COL25A1: variants seen among roughly 807,000 people sequenced by gnomAD.
The protein encoded by COL25A1 is collagen type XXV alpha 1 chain, also known as collagen alpha-1(XXV) chain.
COL25A1 carries 103 observed loss-of-function variants against 128.4 expected under a neutral mutation model. That is an observed-to-expected ratio of 0.80 (90% CI 0.68 to 0.94). The LOEUF (loss-of-function observed/expected upper bound fraction) is 0.94, where lower values mean the gene tolerates loss of function less well. COL25A1 is among the 40% of genes least tolerant of loss of function. The pLI, the probability that COL25A1 is intolerant of heterozygous loss-of-function variation, is 0.00. For synonymous variants in COL25A1, 279 were observed against 277.2 expected (o/e 1.01, Z -0.06); for missense variants, 745 against 840.0 (o/e 0.89, Z 1.40).
At chr4:108,856,805 T>G (rs1736569922) in intron 24 of COL25A1, among the ~76,000 whole-genome samples, 1 of 152,108 alleles carries the variant, frequency 6.6e-6, no homozygotes, top group South Asian at 2.1e-4. Flanking sequence ...GGTGTCACAT[T>G]TTTTAAAAAG....
chr4:109,051,650 G>C (rs199844360), intron 3 of COL25A1, among the ~76,000 whole-genome samples: 20 of 99,186 alleles, frequency 2.0e-4, no homozygotes, highest in South Asian at 3.2e-4. Context: ...CACACACACA[G>C]ACATAATCTG....
intron 3 of COL25A1, among the ~76,000 whole-genome samples, chr4:109,064,732 T>A (rs911754477): frequency 1.3e-5 from 2 of 152,222 alleles, no homozygotes; most frequent in Admixed American, 6.5e-5. Flanking sequence ...TGGAGCTCCA[T>A]GTTTCCTTCC....
intron 3 of COL25A1, among the ~76,000 whole-genome samples, chr4:109,202,336 G>A (rs1181934761): frequency 2.0e-5 from 3 of 151,928 alleles, no homozygotes; most frequent in African/African-American, 7.3e-5. Flanking sequence ...ATTGACAAAT[G>A]AGCAATGGCA....
At chr4:108,915,397 C>T (rs1744755128) in intron 13 of COL25A1, among the ~76,000 whole-genome samples, 1 of 152,130 alleles carries the variant, frequency 6.6e-6, no homozygotes, top group African/African-American at 2.4e-5. Flanking sequence ...GACAGGGTTT[C>T]ACCATGTTGC....
chr4:108,825,177 T>G lies in COL25A1; in HGVS notation c.1791+19A>C, dbSNP rs1418300322. The G allele has an allele frequency of 6.3e-7, 1 of 1,591,714 alleles. No homozygotes were observed. Among genetic ancestry groups the G allele is most frequent in the South Asian group, 1.1e-5 (1 of 90,456 alleles). ...ACATCTATTATAATAGGATGATGTTTATTGTACTTATTACTTACATCAAGA... is the reference window on the plus strand; with the variant it reads ...ACATCTATTATAATAGGATGATGTTGATTGTACTTATTACTTACATCAAGA... On this transcript the variant is annotated intron_variant, in intron 34 of 37. Coordinates refer to ENST00000399132, the MANE Select transcript of COL25A1 (RefSeq NM_198721.4).
Position 108,948,375 on chromosome 4 carries a change from A to G in COL25A1, c.493-6938T>C, listed in dbSNP as rs2125940385. 2.6e-5 allele frequency among the ~76,000 whole-genome samples: 4 copies of G among 152,330 alleles called. No individual in the cohort carries two copies. In the Middle Eastern group the frequency reaches 0.01, roughly 389 times the overall value. ...AAATCAGAAGTTATAACTGATGATA[A>G]AAGATTGCCTCATGGTATTATTAAT... is the stretch of plus-strand genomic sequence containing the variant. On this transcript the variant is annotated intron_variant, in intron 8 of 37. Coordinates refer to ENST00000399132, the MANE Select transcript of COL25A1 (RefSeq NM_198721.4).
chr4:108,870,170 C>T (rs751477972), intron 19 of COL25A1, among the ~76,000 whole-genome samples: 3 of 152,038 alleles, frequency 2.0e-5, no homozygotes, highest in African/African-American at 4.8e-5. Context: ...GCGGGAGGAT[C>T]GTTTGAGCCC....
chr4:108,946,606 A>G (rs149457009), intron 8 of COL25A1, among the ~76,000 whole-genome samples: 118 of 152,374 alleles, frequency 7.7e-4, no homozygotes, highest in African/African-American at 2.3e-3. Flanking sequence ...ATGGTGAGCA[A>G]GATCCCAAGC....
intron 6 of COL25A1, among the ~76,000 whole-genome samples, chr4:108,980,906 G>A (rs186056481): frequency 1.8e-4 from 28 of 152,268 alleles, no homozygotes; most frequent in Admixed American, 7.8e-4. Context: ...AGCAAACATC[G>A]ATGTTCACAA....
chr4:108,891,985 AT>A (rs11284888), intron 16 of COL25A1, among the ~76,000 whole-genome samples: 12,592 of 150,366 alleles, frequency 0.084, 657 homozygotes, highest in African/African-American at 0.12. Context: ...ACTAAGGGTG[AT>A]TTTTTTTTTC....
At chr4:108,905,478 C>T (rs1435960933) in intron 13 of COL25A1, among the ~76,000 whole-genome samples, 1 of 151,018 alleles carries the variant, frequency 6.6e-6, no homozygotes, top group African/African-American at 2.4e-5. Context: ...AACTAACCTG[C>T]ACAATGTGCA....
intron 3 of COL25A1, among the ~76,000 whole-genome samples, chr4:109,268,403 T>C (rs185023580): frequency 2.5e-3 from 381 of 152,266 alleles, no homozygotes; most frequent in African/African-American, 8.8e-3. Context: ...ATAAAGGATA[T>C]GGAACACAGC....
chr4:108,870,780 T>C (rs963458837), intron 19 of COL25A1, among the ~76,000 whole-genome samples: 2 of 152,176 alleles, frequency 1.3e-5, no homozygotes, highest in African/African-American at 4.8e-5. Context: ...CCAAGAGAAA[T>C]GCTGTGTTAA....
chr4:108,828,431 G>T (rs1161862769), intron 32 of COL25A1, among the ~76,000 whole-genome samples: 1 of 152,098 alleles, frequency 6.6e-6, no homozygotes. Context: ...CACCGTGCCT[G>T]GCCTGAAAAA....
In COL25A1 at chr4:108,978,295, G is replaced by A. The variant is rs909593186; in HGVS notation, c.439-3736C>T. Among the ~76,000 whole-genome samples, 13 of 152,330 alleles carry A rather than the reference G, an allele frequency of 8.5e-5. 1 individual carries two copies. The South Asian group carries it at 2.3e-3, about 27-fold the overall frequency. On this transcript the variant is annotated intron_variant, in intron 6 of 37. Coordinates refer to ENST00000399132, the MANE Select transcript of COL25A1 (RefSeq NM_198721.4). ...TTCGGACGCTCCGGCCCCGACTTGT[G>A]CACTTGGATTAACAGCAGGTGTTTT...
At chr4:108,955,292 A>C (rs567525406) in intron 8 of COL25A1, among the ~76,000 whole-genome samples, 16 of 152,262 alleles carry the variant, frequency 1.1e-4, no homozygotes, top group African/African-American at 3.8e-4. Flanking sequence ...TAAGCTTCAT[A>C]AACTTTAATT....
chr4:109,019,357 C>T (rs1214665253), intron 5 of COL25A1, among the ~76,000 whole-genome samples: 5 of 66,562 alleles, frequency 7.5e-5, no homozygotes, highest in South Asian at 6.7e-4. Context: ...CATACACACA[C>T]ACACACACAC....
chr4:109,043,584 G>GT (rs1185542805), intron 5 of COL25A1, among the ~76,000 whole-genome samples: 1 of 107,076 alleles, frequency 9.3e-6, no homozygotes, highest in East Asian at 3.6e-4. Flanking sequence ...AAAACAGCCA[G>GT]TTAAAAAAAA....
chr4:109,157,880 G>C (rs1772184335), intron 3 of COL25A1, among the ~76,000 whole-genome samples: 1 of 152,132 alleles, frequency 6.6e-6, no homozygotes, highest in South Asian at 2.1e-4. Flanking sequence ...GCACAGCATG[G>C]GGCACTGTGC....
Sources: gnomAD v4.1 joint callset for allele counts (sites outside exome capture counted in the v4.1 genomes callset) on GRCh38, gnomAD v4.1.1 for gene constraint, MANE v1.5 for transcripts, NCBI Gene and HGNC (gene_info 2026-07-23, HGNC 2026-07-21) for gene names.